ADAM7: variants seen among roughly 807,000 people sequenced by gnomAD.
The protein encoded by ADAM7 is ADAM metallopeptidase domain 7.
A neutral mutation model predicts 102.9 loss-of-function variants in ADAM7; 97 were observed. The observed-to-expected ratio is 0.94, with a 90% CI of 0.80 to 1.12. The LOEUF (loss-of-function observed/expected upper bound fraction) is 1.12, where lower values mean the gene tolerates loss of function less well. ADAM7 is among the 50% of genes most tolerant of loss of function. The probability of loss-of-function intolerance (pLI) is 0.00; values close to 1 mark genes in which losing one functional copy is unlikely to be tolerated. For synonymous variants in ADAM7, 334 were observed against 304.4 expected (o/e 1.10, Z -1.01); for missense variants, 991 against 908.7 (o/e 1.09, Z -1.16).
At chr8:24,484,802 C>CTTTTTTTTTTTTTTTTTTTTTT (rs544478529) in intron 9 of ADAM7, among the ~76,000 whole-genome samples, 1 of 91,952 alleles carries the variant, frequency 1.1e-5, no homozygotes. Flanking sequence ...ATTGCACTGG[C>CTTTTTTTTTTTTTTTTTTTTTT]TTTTTTTTTT....
chr8:24,451,258 C>T (rs921641039), intron 3 of ADAM7, among the ~76,000 whole-genome samples: 6 of 151,874 alleles, frequency 4.0e-5, no homozygotes, highest in Non-Finnish European at 8.8e-5. Flanking sequence ...TGGTAGAATT[C>T]GGCTGTGAAT....
rs375713053 is a variant in ADAM7 at position 24,462,982 on chromosome 8, ACAG to A, written c.234-894_234-892del. 2.1e-3 allele frequency among the ~76,000 whole-genome samples: 322 copies of A among 152,254 alleles called. 1 individual carries two copies. Among genetic ancestry groups the A allele is most frequent in the African/African-American group, 7.5e-3 (312 of 41,558 alleles). On this transcript the variant is annotated intron_variant, in intron 3 of 21. Coordinates refer to ENST00000175238, the MANE Select transcript of ADAM7 (RefSeq NM_003817.4). ...AAAATTTGGAATATTTGGAGTAAAAACAGCAGCAACAGTAACAAAAAATGAAAC... is the reference window on the plus strand; with the variant it reads ...AAAATTTGGAATATTTGGAGTAAAAACAGCAACAGTAACAAAAAATGAAAC...
rs1195891973 is a variant in ADAM7, at chr8:24,482,187, A to T, written c.751A>T (p.Ile251Leu). The change falls in exon 9 of 22, where the codon ATA (isoleucine) becomes TTA (leucine). Residue 251 changes from isoleucine to leucine, a missense_variant. By Grantham distance (5) the Ile-to-Leu change is conservative. Coordinates refer to ENST00000175238, the MANE Select transcript of ADAM7 (RefSeq NM_003817.4). ...NIHVTLVGIE[I>L]WTHEDKIELY... ...CCATGTGACGTTGGTTGGCATTGAA[A>T]TATGGACACATGAAGATAAAATAGA... The T allele has an allele frequency of 6.2e-7, 1 of 1,602,476 alleles. No homozygotes were observed. Among genetic ancestry groups the T allele is most frequent in the Non-Finnish European group, 8.5e-7 (1 of 1,176,698 alleles).
intron 1 of ADAM7, among the ~76,000 whole-genome samples, chr8:24,442,190 G>A (rs950137841): frequency 2.6e-4 from 39 of 152,090 alleles, no homozygotes; most frequent in African/African-American, 9.2e-4. Context: ...ATAAATAAAT[G>A]AAACAAAAAA....
chr8:24,476,173 A>C (rs1585890921), intron 7 of ADAM7, among the ~76,000 whole-genome samples: 1 of 152,294 alleles, frequency 6.6e-6, no homozygotes, highest in East Asian at 1.9e-4. Flanking sequence ...AGTACAATGT[A>C]ATGTGAAAAG....
At chr8:24,474,914 AAG>A (rs1819719347) in intron 7 of ADAM7, among the ~76,000 whole-genome samples, 1 of 152,202 alleles carries the variant, frequency 6.6e-6, no homozygotes, top group Admixed American at 6.5e-5. Context: ...CAACAACAAA[AAG>A]AGCAAGAAAG....
At chr8:24,467,255 C>A (rs921995096) in intron 6 of ADAM7, 1 of 484,500 alleles carries the variant, frequency 2.1e-6, no homozygotes, top group South Asian at 4.0e-5. Flanking sequence ...AGTTGGAAAT[C>A]ATGAAATTTT....
At chr8:24,483,326 G>A (rs902223699) in intron 9 of ADAM7, among the ~76,000 whole-genome samples, 1 of 152,158 alleles carries the variant, frequency 6.6e-6, no homozygotes, top group Non-Finnish European at 1.5e-5. Context: ...CTAAATTGTG[G>A]AAGAAGTCCT....
At chr8:24,483,601 A>G (rs1056208832) in intron 9 of ADAM7, among the ~76,000 whole-genome samples, 2 of 152,282 alleles carry the variant, frequency 1.3e-5, no homozygotes, top group South Asian at 4.1e-4. Flanking sequence ...CCAAAGTAAC[A>G]TAATTCCTGT....
At chr8:24,506,697 G>C (rs1198793622) in intron 20 of ADAM7, among the ~76,000 whole-genome samples, 2 of 151,516 alleles carry the variant, frequency 1.3e-5, no homozygotes, top group Non-Finnish European at 2.9e-5. Flanking sequence ...ATTTATAAGG[G>C]AGAAACAAAA....
chr8:24,492,083 G>C lies in ADAM7; in HGVS notation c.1537G>C (p.Glu513Gln). 6.2e-7 allele frequency: 1 copy of C among 1,612,416 alleles called. No homozygotes were observed. The highest frequency in any genetic ancestry group is 1.3e-5 in the African/African-American group (1 of 74,944). ...KCPTREDQCSELFDDEAIESH... is the reference protein window; with the variant it reads ...KCPTREDQCSQLFDDEAIESH... Reference sequence around the variant, plus strand: ...TCCAACTCGTGAGGATCAGTGCTCTGAACTATTTGATGATGGTGAGAGATA... The same window carrying C: ...TCCAACTCGTGAGGATCAGTGCTCTCAACTATTTGATGATGGTGAGAGATA... Residue 513 changes from glutamate (E) to glutamine (Q), a missense_variant, in exon 14 of 22, where the codon GAA becomes CAA. Physicochemically the swap from Glu to Gln is conservative, Grantham distance 29. Transcript: ENST00000175238.
intron 21 of ADAM7, among the ~76,000 whole-genome samples, chr8:24,508,004 T>C (rs376427650): frequency 1.3e-5 from 2 of 152,322 alleles, no homozygotes; most frequent in East Asian, 3.9e-4. Context: ...ACTTAGTATG[T>C]CTATATTAGA....
intron 18 of ADAM7, among the ~76,000 whole-genome samples, chr8:24,500,510 G>C (rs1820722432): frequency 6.6e-6 from 1 of 152,086 alleles, no homozygotes; most frequent in Non-Finnish European, 1.5e-5. Context: ...CAACACACAA[G>C]GGCTTTTCTA....
At chr8:24,475,065 G>A (rs548873354) in intron 7 of ADAM7, among the ~76,000 whole-genome samples, 7 of 152,218 alleles carry the variant, frequency 4.6e-5, no homozygotes, top group Non-Finnish European at 7.4e-5. Context: ...GTGAGGATAT[G>A]GATGAAACAC....
chr8:24,499,771 G>T (rs11996159), intron 17 of ADAM7, among the ~76,000 whole-genome samples: 1 of 149,412 alleles, frequency 6.7e-6, no homozygotes, highest in Non-Finnish European at 1.5e-5. Flanking sequence ...CATAAGCTGG[G>T]TTAATCAGTA....
At chr8:24,487,517 T>A (rs1248792668) in intron 11 of ADAM7, among the ~76,000 whole-genome samples, 200 bp downstream of exon 11, 2 of 151,744 alleles carry the variant, frequency 1.3e-5, no homozygotes, top group Non-Finnish European at 2.9e-5. Context: ...TGGTGGCACA[T>A]GCGTGTAATC....
intron 16 of ADAM7, 95 bp from the exon 17 acceptor site, chr8:24,499,141 A>G (rs1166882952): frequency 7.8e-6 from 7 of 891,808 alleles, no homozygotes; most frequent in Non-Finnish European, 1.2e-5. Context: ...TGTAAATTAC[A>G]TGCAAAATTG....
chr8:24,454,988 G>T (rs1026528376), intron 3 of ADAM7, among the ~76,000 whole-genome samples: 19 of 152,062 alleles, frequency 1.2e-4, no homozygotes, highest in African/African-American at 4.6e-4. Flanking sequence ...AGTTTTATTT[G>T]TATGTGCGTA....
At chr8:24,493,326 G>A (rs1820434244) in intron 16 of ADAM7, 97 bp downstream of exon 16, 4 of 1,059,932 alleles carry the variant, frequency 3.8e-6, no homozygotes, top group South Asian at 4.9e-5. Flanking sequence ...GTCTAGATAT[G>A]GAAAAGGAAA....
Sources: allele counts gnomAD v4.1 joint callset (sites outside exome capture counted in the v4.1 genomes callset), GRCh38; gene constraint gnomAD v4.1.1; transcripts MANE v1.5; gene names NCBI Gene and HGNC (gene_info 2026-07-23, HGNC 2026-07-21).